Variants in ANKRD31 observed in about 807,000 individuals in gnomAD.
ANKRD31 encodes the protein ankyrin repeat domain 31, also known as ankyrin repeat domain-containing protein 31.
ANKRD31 carries 147 observed loss-of-function variants against 186.0 expected under a neutral mutation model. The ratio of observed to expected loss-of-function variants is 0.79; its 90% confidence interval spans 0.69 to 0.91. The LOEUF (loss-of-function observed/expected upper bound fraction) is 0.91. Among genes scored for constraint, ANKRD31 ranks in the 40% least tolerant of loss-of-function variants. The pLI is 0.00. For synonymous variants in ANKRD31, 673 were observed against 736.4 expected (o/e 0.91, Z 1.39); for missense variants, 1,986 against 2,148.8 (o/e 0.92, Z 1.50).
In ANKRD31 at chr5:75,195,889, G is replaced by C. The variant is rs1441065305; in HGVS notation, c.759C>G (p.Asn253Lys). 6.7e-7 allele frequency: 1 copy of C among 1,481,972 alleles called. No individual in the cohort carries two copies. The highest frequency in any genetic ancestry group is 8.8e-7 in the Non-Finnish European group (1 of 1,130,664). The allele number at this position is 1,481,972 out of a possible 1,614,324, so 91.8% of individuals were successfully genotyped here. A position where few individuals can be genotyped will look rare whatever the true frequency, so the allele number is the denominator to read the frequency against. Residue 253 changes from asparagine to lysine, a missense_variant, in exon 7 of 26, where the codon AAC becomes AAG. Coordinates refer to ENST00000506364, the MANE Select transcript of ANKRD31 (RefSeq NM_001372053.1). Reference protein sequence around the residue: ...VSDFDRKELMNPLSDSLSSIS... With the variant: ...VSDFDRKELMKPLSDSLSSIS... ...TGGAACTAAGAGAGTCACTCAATGG[G>C]TTCATCAATTCTTTACGATCAAAAT...
At chr5:75,162,115 G>A (rs1472137341) in intron 11 of ANKRD31, among the ~76,000 whole-genome samples, 1 of 152,188 alleles carries the variant, frequency 6.6e-6, no homozygotes, top group East Asian at 1.9e-4. Context: ...CAGAATGGTA[G>A]ATCCACTGAC....
At chr5:75,192,622 C>A (rs1466290619) in intron 9 of ANKRD31, 45 bp downstream of exon 9, 2 of 1,359,120 alleles carry the variant, frequency 1.5e-6, no homozygotes, top group East Asian at 2.5e-5. Flanking sequence ...TCTACCAATT[C>A]TGTTTTTGTA....
intron 13 of ANKRD31, among the ~76,000 whole-genome samples, chr5:75,148,353 G>A (rs778129156): frequency 1.3e-5 from 2 of 151,792 alleles, no homozygotes; most frequent in Non-Finnish European, 2.9e-5. Context: ...CCATAAAGAG[G>A]AGGAGGAAGG....
At chr5:75,210,310 A>G (rs980087827) in intron 4 of ANKRD31, among the ~76,000 whole-genome samples, 14 of 152,154 alleles carry the variant, frequency 9.2e-5, no homozygotes, top group African/African-American at 2.9e-4. Context: ...AATAGCTGAG[A>G]TTACAGACGC....
intron 2 of ANKRD31, among the ~76,000 whole-genome samples, chr5:75,229,978 G>A (rs1416433199): frequency 3.3e-5 from 5 of 151,348 alleles, no homozygotes. Flanking sequence ...AGGTACTCCA[G>A]TTTCCTCCCA....
At chr5:75,227,358 T>C (rs1757693204) in intron 2 of ANKRD31, among the ~76,000 whole-genome samples, 1 of 152,176 alleles carries the variant, frequency 6.6e-6, no homozygotes, top group Non-Finnish European at 1.5e-5. Flanking sequence ...ACCTACTGTT[T>C]GCTAGCACAA....
In ANKRD31 at chr5:75,193,550, A is replaced by G; in HGVS notation, c.1059T>C (p.Ala353=). The change falls in exon 8 of 26, where the codon GCT becomes GCC. Residue 353 remains alanine (A), a synonymous_variant. Transcript: ENST00000506364. ...GCTCACAAGAAGTGATATTTTGATG[A>G]GCCAAAGTTTGCAATCCAGATGGAT... The part of the protein sequence containing the change: ...DPNPSGLQTL[A]HQNITSCEPL... 6.5e-7 allele frequency: 1 copy of G among 1,536,730 alleles called. No individual in the cohort carries two copies. The highest frequency in any genetic ancestry group is 8.7e-7 in the Non-Finnish European group (1 of 1,146,622).
chr5:75,134,499 C>G (rs879017424), intron 17 of ANKRD31, among the ~76,000 whole-genome samples: 1 of 152,084 alleles, frequency 6.6e-6, no homozygotes, highest in Non-Finnish European at 1.5e-5. Flanking sequence ...CAATAACAGG[C>G]TCTGAAATTG....
chr5:75,226,615 C>T (rs1418023352), intron 2 of ANKRD31, among the ~76,000 whole-genome samples: 2 of 152,130 alleles, frequency 1.3e-5, no homozygotes, highest in African/African-American at 4.8e-5. Flanking sequence ...AAGATCTGAA[C>T]ACACATGTCT....
At chr5:75,175,878 T>C (rs544711843) in intron 10 of ANKRD31, among the ~76,000 whole-genome samples, 67 of 152,070 alleles carry the variant, frequency 4.4e-4, no homozygotes, top group Middle Eastern at 3.4e-3. Context: ...GAGTGCCGGA[T>C]AGTGGGTGCA....
At chr5:75,157,019 T>A (rs1752226723) in intron 11 of ANKRD31, among the ~76,000 whole-genome samples, 1 of 152,204 alleles carries the variant, frequency 6.6e-6, no homozygotes, top group Non-Finnish European at 1.5e-5. Context: ...AATGTAGACG[T>A]GGCTTTGGAA....
chr5:75,179,448 C>T (rs1351389422), intron 10 of ANKRD31, among the ~76,000 whole-genome samples: 1 of 152,152 alleles, frequency 6.6e-6, no homozygotes, highest in African/African-American at 2.4e-5. Context: ...GAATTTTAGA[C>T]CAATATCCTT....
intron 10 of ANKRD31, among the ~76,000 whole-genome samples, chr5:75,186,074 A>T (rs1252044627): frequency 6.6e-6 from 1 of 152,168 alleles, no homozygotes; most frequent in Admixed American, 6.5e-5. Flanking sequence ...ACAGAAAGAA[A>T]TCAAATGTAA....
chr5:75,199,565 C>T (rs1413650182), intron 6 of ANKRD31, 66 bp downstream of exon 6: 10 of 1,293,924 alleles, frequency 7.7e-6, no homozygotes, highest in Middle Eastern at 1.9e-4. Context: ...ATACTTTAAT[C>T]GACATAATTT....
intron 17 of ANKRD31, among the ~76,000 whole-genome samples, chr5:75,129,560 T>C (rs549173808): frequency 3.9e-5 from 6 of 152,218 alleles, no homozygotes; most frequent in Non-Finnish European, 8.8e-5. Context: ...TTAAAATATC[T>C]AGAGATAGAT....
intron 17 of ANKRD31, 109 bp downstream of exon 17, chr5:75,137,747 A>T (rs1316589449): frequency 1.8e-6 from 2 of 1,089,260 alleles, no homozygotes; most frequent in African/African-American, 3.2e-5. Flanking sequence ...GTTTTAAAAA[A>T]ATCACTTGTT....
Position 75,093,380 on chromosome 5 carries a change from G to A in ANKRD31, c.5332-1979C>T, listed in dbSNP as rs554299100. Among the ~76,000 whole-genome samples, 20 of 152,216 alleles carry A rather than the reference G, an allele frequency of 1.3e-4. No homozygotes were observed. In the South Asian group the frequency reaches 4.1e-3, roughly 32 times the overall value. ...TCCTGTAATTCCAGCTACTTGGGAG[G>A]CTGAGGCAGGAGAATCGCTTGAACC... On this transcript the variant is annotated intron_variant, in intron 22 of 25. Transcript: ENST00000506364.
intron 20 of ANKRD31, among the ~76,000 whole-genome samples, chr5:75,107,963 C>A (rs1000369934): frequency 6.6e-6 from 1 of 151,828 alleles, no homozygotes; most frequent in Non-Finnish European, 1.5e-5. Context: ...AAAATTATTT[C>A]ATTTTTTTAA....
At chr5:75,163,107 G>C (rs969816729) in intron 11 of ANKRD31, among the ~76,000 whole-genome samples, 1 of 152,102 alleles carries the variant, frequency 6.6e-6, no homozygotes, top group African/African-American at 2.4e-5. Context: ...TATTTTGGTA[G>C]TTCTTTTTGT....
Sources: gnomAD v4.1 joint callset for allele counts (sites outside exome capture counted in the v4.1 genomes callset) on GRCh38, gnomAD v4.1.1 for gene constraint, MANE v1.5 for transcripts, NCBI Gene and HGNC (gene_info 2026-07-23, HGNC 2026-07-21) for gene names.